The following KCTD8 variants were observed in gnomAD, a reference collection of about 807,000 sequenced individuals.
KCTD8 encodes the protein potassium channel tetramerization domain containing 8, also known as BTB/POZ domain-containing protein KCTD8.
A neutral mutation model predicts 31.5 loss-of-function variants in KCTD8; 27 were observed. The ratio of observed to expected loss-of-function variants is 0.86; its 90% CI spans 0.63 to 1.18. KCTD8 has a LOEUF of 1.18. Among genes scored for constraint, KCTD8 ranks in the 50% most tolerant of loss-of-function variants. The probability of loss-of-function intolerance (pLI) is 0.00; values close to 1 mark genes in which losing one functional copy is unlikely to be tolerated. For synonymous variants in KCTD8, 290 were observed against 280.0 expected, an observed-to-expected ratio of 1.04 and a Z score of -0.36; for missense variants, 658 against 647.7, an observed-to-expected ratio of 1.02 and a Z score of -0.17.
chr4:44,382,463 A>C (rs1720094048), intron 1 of KCTD8, among the ~76,000 whole-genome samples: 1 of 152,078 alleles, frequency 6.6e-6, no homozygotes, highest in African/African-American at 2.4e-5. Flanking sequence ...ATGGTGGCTC[A>C]CAGCTGTAAT....
chr4:44,351,491 C>G (rs563529288), intron 1 of KCTD8, among the ~76,000 whole-genome samples: 23 of 152,122 alleles, frequency 1.5e-4, no homozygotes, highest in African/African-American at 5.5e-4. Flanking sequence ...CAAATTGCTA[C>G]AAAATTATCT....
At chr4:44,221,426 G>T (rs542179731) in intron 1 of KCTD8, among the ~76,000 whole-genome samples, 1 of 151,804 alleles carries the variant, frequency 6.6e-6, no homozygotes, top group Non-Finnish European at 1.5e-5. Flanking sequence ...CTAGAGGGAC[G>T]GGACTAATAG....
At chr4:44,333,202 G>A (rs1237338767) in intron 1 of KCTD8, among the ~76,000 whole-genome samples, 7 of 151,944 alleles carry the variant, frequency 4.6e-5, no homozygotes, top group South Asian at 2.1e-4. Context: ...AGACTGTGTC[G>A]CCGATTAATA....
At chr4:44,257,513 A>G (rs940513396) in intron 1 of KCTD8, among the ~76,000 whole-genome samples, 1 of 152,024 alleles carries the variant, frequency 6.6e-6, no homozygotes, top group African/African-American at 2.4e-5. Context: ...ATTTAAATAT[A>G]CATAGAAAAA....
At chr4:44,420,822 A>G (rs1382546593) in intron 1 of KCTD8, among the ~76,000 whole-genome samples, 1 of 152,124 alleles carries the variant, frequency 6.6e-6, no homozygotes, top group Non-Finnish European at 1.5e-5. Context: ...AGACATAGGG[A>G]AGGATTATAA....
intron 1 of KCTD8, among the ~76,000 whole-genome samples, chr4:44,197,365 T>C (rs920797426): frequency 6.6e-6 from 1 of 151,976 alleles, no homozygotes; most frequent in African/African-American, 2.4e-5. Flanking sequence ...AAAAAGGAAA[T>C]GCAGGAACAG....
intron 1 of KCTD8, among the ~76,000 whole-genome samples, chr4:44,195,927 C>T (rs1713927840): frequency 6.6e-6 from 1 of 152,044 alleles, no homozygotes; most frequent in African/African-American, 2.4e-5. Flanking sequence ...AAATACAAGG[C>T]ATACATAGTC....
chr4:44,239,285 C>A (rs544899849), intron 1 of KCTD8, among the ~76,000 whole-genome samples: 2 of 152,106 alleles, frequency 1.3e-5, no homozygotes, highest in Non-Finnish European at 2.9e-5. Context: ...AAAACTGGGA[C>A]GTGTTGGGGC....
intron 1 of KCTD8, among the ~76,000 whole-genome samples, chr4:44,189,430 CG>C (rs1713693780): frequency 1.2e-5 from 1 of 84,336 alleles, no homozygotes. Flanking sequence ...ATTGGAATAA[CG>C]AGGTTAATCC....
chr4:44,350,795 C>A (rs1247456260), intron 1 of KCTD8, among the ~76,000 whole-genome samples: 1 of 152,054 alleles, frequency 6.6e-6, no homozygotes, highest in Non-Finnish European at 1.5e-5. Flanking sequence ...ATTTATTTAA[C>A]AAATATTGAT....
intron 1 of KCTD8, among the ~76,000 whole-genome samples, chr4:44,419,700 G>A (rs887395996): frequency 3.3e-5 from 5 of 151,962 alleles, no homozygotes; most frequent in Non-Finnish European, 5.9e-5. Flanking sequence ...GGGGCCTGTC[G>A]GGGGATGGGG....
chr4:44,189,016 T>C (rs997801611), intron 1 of KCTD8, among the ~76,000 whole-genome samples: 1 of 152,204 alleles, frequency 6.6e-6, no homozygotes, highest in Admixed American at 6.5e-5. Flanking sequence ...TGGCCCTTGG[T>C]AGATATTGAG....
At chr4:44,336,107 G>C (rs1481200157) in intron 1 of KCTD8, among the ~76,000 whole-genome samples, 1 of 113,666 alleles carries the variant, frequency 8.8e-6, no homozygotes, top group Non-Finnish European at 1.6e-5. Context: ...CCGAGATCCC[G>C]CCACTGCACT....
At chr4:44,243,979 G>A (rs1049361961) in intron 1 of KCTD8, among the ~76,000 whole-genome samples, 2 of 152,188 alleles carry the variant, frequency 1.3e-5, no homozygotes, top group South Asian at 2.1e-4. Flanking sequence ...AATGGACTTC[G>A]GAAGATGGCT....
intron 1 of KCTD8, among the ~76,000 whole-genome samples, chr4:44,268,061 G>T (rs571221926): frequency 2.0e-5 from 3 of 152,170 alleles, no homozygotes; most frequent in Non-Finnish European, 4.4e-5. Context: ...GCATCATCCT[G>T]ATTCCAAAGC....
chr4:44,245,642 G>T (rs1164301820), intron 1 of KCTD8, among the ~76,000 whole-genome samples: 1 of 151,852 alleles, frequency 6.6e-6, no homozygotes, highest in African/African-American at 2.4e-5. Flanking sequence ...AGACTATCAA[G>T]AAAATGAGAT....
intron 1 of KCTD8, among the ~76,000 whole-genome samples, chr4:44,244,099 A>G (rs1435929097): frequency 6.6e-6 from 1 of 152,206 alleles, no homozygotes; most frequent in Non-Finnish European, 1.5e-5. Context: ...GATCATTCCA[A>G]TTTGACTGGG....
At chr4:44,324,070 A>T (rs1312314623) in intron 1 of KCTD8, among the ~76,000 whole-genome samples, 1 of 151,276 alleles carries the variant, frequency 6.6e-6, no homozygotes, top group Non-Finnish European at 1.5e-5. Context: ...AAACAAAACA[A>T]AACAAAAAAA....
At chr4:44,442,739 C>A (rs1394879795) in intron 1 of KCTD8, among the ~76,000 whole-genome samples, 1 of 149,840 alleles carries the variant, frequency 6.7e-6, no homozygotes, top group South Asian at 2.1e-4. Flanking sequence ...ATACATATTT[C>A]TTTTTTCCAA....
Sources: gnomAD v4.1 joint callset for allele counts (sites outside exome capture counted in the v4.1 genomes callset) on GRCh38, gnomAD v4.1.1 for gene constraint, MANE v1.5 for transcripts, NCBI Gene and HGNC (gene_info 2026-07-23, HGNC 2026-07-21) for gene names.